Variants in OR2I1 observed in about 807,000 individuals in gnomAD.
OR2I1 encodes olfactory receptor family 2 subfamily I member 1 (gene/pseudogene).
At chr6:29,551,461 T>G in the OR2I1 span, among the ~76,000 whole-genome samples, 1 of 152,232 alleles carries the variant, frequency 6.6e-6, no homozygotes, top group South Asian at 2.1e-4. Context: ...TTAACTTCAG[T>G]TACTCTCCTA....
the OR2I1 span, chr6:29,554,054 C>A: frequency 2.5e-6 from 1 of 398,944 alleles, no homozygotes; most frequent in Non-Finnish European, 4.4e-6. Flanking sequence ...CTCTTCTACA[C>A]CGTGGTCACA....
chr6:29,555,890 A>G, the OR2I1 span: 2 of 1,612,940 alleles, frequency 1.2e-6, no homozygotes, highest in Non-Finnish European at 1.7e-6. Flanking sequence ...TCACCCTCCA[A>G]TACAATAACA....
At chr6:29,556,234 C>T in the OR2I1 span, 1 of 1,613,096 alleles carries the variant, frequency 6.2e-7, no homozygotes, top group South Asian at 1.1e-5. Context: ...GCAAAAGAAC[C>T]TGGTCCTGCA....
At chr6:29,553,860 C>T in the OR2I1 span, 1 of 398,736 alleles carries the variant, frequency 2.5e-6, no homozygotes, top group East Asian at 3.6e-5. Context: ...TTGCCGTCAT[C>T]CTGGCCTCCT....
At chr6:29,552,083 C>A in the OR2I1 span, among the ~76,000 whole-genome samples, 1 of 152,194 alleles carries the variant, frequency 6.6e-6, no homozygotes, top group Non-Finnish European at 1.5e-5. Context: ...AAACTTTCAT[C>A]CATTACATAA....
chr6:29,556,108 C>T, the OR2I1 span: 3 of 1,613,124 alleles, frequency 1.9e-6, no homozygotes, highest in Non-Finnish European at 2.5e-6. Flanking sequence ...CCACAAGAAA[C>T]AAGGGCAGCT....
the OR2I1 span, chr6:29,555,921 C>T: frequency 1.9e-6 from 3 of 1,613,062 alleles, no homozygotes; most frequent in Non-Finnish European, 2.5e-6. Flanking sequence ...AGTAAGTTGC[C>T]CTTTCTGATG....
chr6:29,557,329 C>T, the OR2I1 span: 1 of 152,184 alleles, frequency 6.6e-6, no homozygotes, highest in African/African-American at 2.4e-5. Flanking sequence ...GCCATAACTA[C>T]AGTTTTAATT....
At chr6:29,555,805 A>C in the OR2I1 span, 2 of 1,212,500 alleles carry the variant, frequency 1.6e-6, no homozygotes, top group Admixed American at 2.0e-5. Context: ...AAATCATCAG[A>C]AGATGTGTTC....
chr6:29,554,861 G>C, the OR2I1 span: 1 of 152,276 alleles, frequency 6.6e-6, no homozygotes, highest in Non-Finnish European at 1.5e-5. Flanking sequence ...GAGAGAGTCA[G>C]AGAGAGGAGT....
the OR2I1 span, chr6:29,550,978 T>C: frequency 6.6e-6 from 1 of 152,232 alleles, no homozygotes. Flanking sequence ...ATTTGTCTTC[T>C]AGATGTGTGA....
the OR2I1 span, chr6:29,556,111 G>A: frequency 2.5e-6 from 4 of 1,613,114 alleles, no homozygotes; most frequent in South Asian, 2.2e-5. Context: ...CAAGAAACAA[G>A]GGCAGCTCCT....
chr6:29,554,167 G>A, the OR2I1 span: 2 of 398,864 alleles, frequency 5.0e-6, no homozygotes, highest in Non-Finnish European at 8.8e-6. Context: ...TGGGCAGTGA[G>A]TAGTTGGGGA....
At chr6:29,557,144 CAA>C in the OR2I1 span, 1 of 152,144 alleles carries the variant, frequency 6.6e-6, no homozygotes, top group Non-Finnish European at 1.5e-5. Flanking sequence ...CTATAACAGG[CAA>C]AAGTTAAGTC....
At chr6:29,554,286 G>A in the OR2I1 span, 39 of 397,526 alleles carry the variant, frequency 9.8e-5, no homozygotes, top group Non-Finnish European at 1.6e-4. Context: ...TTTGTCCTAA[G>A]GAGTCCAATG....
chr6:29,555,934 G>A, the OR2I1 span: 33 of 1,612,898 alleles, frequency 2.0e-5, no homozygotes, highest in Middle Eastern at 3.3e-4. Context: ...TTCTGATGCC[G>A]TAATCTGCCA....
chr6:29,553,436 C>T, the OR2I1 span: 12 of 398,764 alleles, frequency 3.0e-5, no homozygotes, highest in African/African-American at 1.4e-4. Flanking sequence ...GCGGGCTTCA[C>T]TACTAGCGTG....
chr6:29,556,254 T>C, the OR2I1 span: 2 of 1,613,008 alleles, frequency 1.2e-6, no homozygotes, highest in Non-Finnish European at 1.7e-6. Flanking sequence ...ACAGGAACCT[T>C]GGTCTTAGAC....
the OR2I1 span, chr6:29,555,472 A>C: frequency 5.2e-6 from 1 of 191,340 alleles, no homozygotes; most frequent in African/African-American, 2.4e-5. Flanking sequence ...TAAATAAAGC[A>C]CTGGACTTAA....
Sources: allele counts gnomAD v4.1 joint callset (sites outside exome capture counted in the v4.1 genomes callset), GRCh38; gene constraint gnomAD v4.1.1; transcripts MANE v1.5; gene names NCBI Gene and HGNC (gene_info 2026-07-23, HGNC 2026-07-21).